GLCE: variants seen among roughly 807,000 people sequenced by gnomAD.
The protein encoded by GLCE is D-glucuronyl C5-epimerase.
GLCE carries 19 observed loss-of-function variants against 47.9 expected under a neutral mutation model. The observed-to-expected ratio is 0.40, with a 90% CI of 0.28 to 0.58. GLCE has a LOEUF of 0.58. GLCE is among the 20% of genes least tolerant of loss of function. The pLI is 0.48. For missense variants in GLCE, 556 were observed against 743.3 expected, an observed-to-expected ratio of 0.75 and a Z score of 2.93; for synonymous variants, 245 against 263.4, an observed-to-expected ratio of 0.93 and a Z score of 0.68.
At chr15:69,206,645 G>C (rs543222697) in intron 1 of GLCE, among the ~76,000 whole-genome samples, 1 of 151,616 alleles carries the variant, frequency 6.6e-6, no homozygotes, top group Non-Finnish European at 1.5e-5. Flanking sequence ...GACATGTCCC[G>C]TCCTTTTCTT....
chr15:69,200,700 C>T (rs1251618379), intron 1 of GLCE, among the ~76,000 whole-genome samples: 1 of 151,976 alleles, frequency 6.6e-6, no homozygotes, highest in Non-Finnish European at 1.5e-5. Flanking sequence ...ATTTGGGTTG[C>T]TAGAGTAGAA....
chr15:69,212,296 C>A (rs773221184), intron 2 of GLCE, among the ~76,000 whole-genome samples: 2 of 151,842 alleles, frequency 1.3e-5, no homozygotes, highest in Non-Finnish European at 2.9e-5. Context: ...AAAATCATAT[C>A]TTAAGACATC....
intron 4 of GLCE, among the ~76,000 whole-genome samples, chr15:69,263,045 C>T (rs1439813836): frequency 6.6e-6 from 1 of 152,086 alleles, no homozygotes; most frequent in Non-Finnish European, 1.5e-5. Context: ...ATATATGCGA[C>T]CCATCATGAG....
chr15:69,221,204 T>A (rs1402727736), intron 2 of GLCE, among the ~76,000 whole-genome samples: 1 of 152,234 alleles, frequency 6.6e-6, no homozygotes, highest in Non-Finnish European at 1.5e-5. Context: ...GGTTCTTTTT[T>A]AAGATTGTTT....
intron 1 of GLCE, among the ~76,000 whole-genome samples, chr15:69,164,806 C>G (rs1331487337): frequency 6.6e-6 from 1 of 151,968 alleles, no homozygotes; most frequent in African/African-American, 2.4e-5. Context: ...GATAATTTAG[C>G]TTTATCTGTT....
intron 2 of GLCE, among the ~76,000 whole-genome samples, chr15:69,215,539 G>GGTGTGTGTGTGT (rs57115250): frequency 1.0e-4 from 15 of 149,016 alleles, no homozygotes; most frequent in African/African-American, 2.7e-4. Flanking sequence ...TTACATAAAG[G>GGTGTGTGTGTGT]GTGTGTGTGT....
chr15:69,263,981 C>T, intron 4 of GLCE, among the ~76,000 whole-genome samples: 1 of 152,046 alleles, frequency 6.6e-6, no homozygotes, highest in East Asian at 1.9e-4. Context: ...ACATCCATCA[C>T]CTCATAGTTA....
chr15:69,258,032 G>A (rs944156683), intron 3 of GLCE, among the ~76,000 whole-genome samples: 6 of 151,510 alleles, frequency 4.0e-5, no homozygotes, highest in African/African-American at 1.5e-4. Context: ...GGGTACATGT[G>A]CAGTTTTGTT....
intron 1 of GLCE, among the ~76,000 whole-genome samples, chr15:69,192,358 A>G (rs2051925479): frequency 6.6e-6 from 1 of 151,502 alleles, no homozygotes; most frequent in Non-Finnish European, 1.5e-5. Flanking sequence ...TTATATAATA[A>G]TATTTTTATT....
chr15:69,170,522 GTGTATA>G (rs893578387), intron 1 of GLCE, among the ~76,000 whole-genome samples: 11 of 152,132 alleles, frequency 7.2e-5, no homozygotes, highest in African/African-American at 1.4e-4. Context: ...GTATAAATGT[GTGTATA>G]TGTATATGTT....
At position 69,251,895 on chromosome 15, in the gene GLCE, A is replaced by G. The variant is rs573014163; in HGVS notation, c.-13-3899A>G. ...AACAAAAGTATATAGTGAGTGGTAT[A>G]CTGAACTTCCAATATATCTGTCACT... On this transcript the variant is annotated intron_variant, in intron 2 of 4. Transcript: ENST00000261858. Among the ~76,000 whole-genome samples, 15 of 152,304 alleles carry G rather than the reference A, an allele frequency of 9.8e-5. No homozygotes were observed. The South Asian group carries it at 1.2e-3, about 13-fold the overall frequency.
chr15:69,252,447 A>C (rs568033221), intron 2 of GLCE, among the ~76,000 whole-genome samples: 1 of 152,174 alleles, frequency 6.6e-6, no homozygotes, highest in Non-Finnish European at 1.5e-5. Context: ...AAGCAATCAG[A>C]TCTCACGCAA....
At chr15:69,173,558 G>A (rs1021209406) in intron 1 of GLCE, among the ~76,000 whole-genome samples, 3 of 152,176 alleles carry the variant, frequency 2.0e-5, no homozygotes, top group African/African-American at 7.2e-5. Context: ...TTTTTTAAGA[G>A]ATGGGGTCTT....
chr15:69,232,413 A>C (rs2052537795), intron 2 of GLCE, among the ~76,000 whole-genome samples: 1 of 151,992 alleles, frequency 6.6e-6, no homozygotes, highest in African/African-American at 2.4e-5. Context: ...AGTCTTGATT[A>C]GTCACTTGGT....
chr15:69,167,348 T>G (rs551254731), intron 1 of GLCE, among the ~76,000 whole-genome samples: 1 of 152,402 alleles, frequency 6.6e-6, no homozygotes. Context: ...GTTGAGGATC[T>G]GAGAGTCTTA....
At chr15:69,239,761 C>G (rs1313981358) in intron 2 of GLCE, among the ~76,000 whole-genome samples, 2 of 151,940 alleles carry the variant, frequency 1.3e-5, no homozygotes, top group East Asian at 3.9e-4. Flanking sequence ...TGTTTGGGGA[C>G]TAGGGAGCCA....
intron 2 of GLCE, among the ~76,000 whole-genome samples, chr15:69,214,979 T>C (rs1219899458): frequency 6.6e-6 from 1 of 152,206 alleles, no homozygotes; most frequent in Non-Finnish European, 1.5e-5. Flanking sequence ...TTCTTCTGTA[T>C]ATCCCCATCA....
intron 2 of GLCE, among the ~76,000 whole-genome samples, chr15:69,251,002 C>T (rs1387781513): frequency 1.3e-5 from 2 of 152,098 alleles, no homozygotes; most frequent in African/African-American, 2.4e-5. Context: ...CCAAGTTTCA[C>T]ATCTGGTTGT....
intron 2 of GLCE, among the ~76,000 whole-genome samples, chr15:69,248,244 T>A (rs1442896396): frequency 6.6e-6 from 1 of 152,242 alleles, no homozygotes; most frequent in East Asian, 1.9e-4. Flanking sequence ...GAGTTACATC[T>A]ATCACTGGAT....
Sources: allele counts gnomAD v4.1 joint callset (sites outside exome capture counted in the v4.1 genomes callset), GRCh38; gene constraint gnomAD v4.1.1; transcripts MANE v1.5; gene names NCBI Gene and HGNC (gene_info 2026-07-23, HGNC 2026-07-21).